DOCK3: variants seen among roughly 807,000 people sequenced by gnomAD.
DOCK3 encodes dedicator of cytokinesis protein 3.
Under a neutral mutation model 265.6 loss-of-function variants are expected in DOCK3, and 60 were observed. That is an observed-to-expected ratio of 0.23 (90% CI 0.18 to 0.28). DOCK3 has a LOEUF of 0.28. Ranked by LOEUF, DOCK3 falls within the 10% of genes least tolerant of loss-of-function variation. The probability of loss-of-function intolerance (pLI) is 1.00; values close to 1 mark genes in which losing one functional copy is unlikely to be tolerated. For missense variants in DOCK3, 1,981 were observed against 2,594.3 expected (o/e 0.76, Z 5.14); for synonymous variants, 881 against 938.0 (o/e 0.94, Z 1.11).
At chr3:51,360,715 T>G (rs2086671329) in intron 47 of DOCK3, 83 bp downstream of exon 47, 1 of 1,565,874 alleles carries the variant, frequency 6.4e-7, no homozygotes, top group Non-Finnish European at 8.7e-7. Context: ...TCCTCATGTA[T>G]ACTCATATTC....
intron 9 of DOCK3, among the ~76,000 whole-genome samples, chr3:51,094,865 T>TA (rs1233823858): frequency 6.6e-6 from 1 of 151,890 alleles, no homozygotes; most frequent in African/African-American, 2.4e-5. Context: ...ATTGGGTGCA[T>TA]ATATATTTAG....
chr3:51,004,008 C>G (rs2078574132), intron 5 of DOCK3, among the ~76,000 whole-genome samples: 1 of 152,146 alleles, frequency 6.6e-6, no homozygotes, highest in Non-Finnish European at 1.5e-5. Context: ...TCTGAAATGG[C>G]CTCCAATTAT....
chr3:50,950,476 A>C (rs2076560351), intron 5 of DOCK3, among the ~76,000 whole-genome samples: 1 of 152,164 alleles, frequency 6.6e-6, no homozygotes, highest in Non-Finnish European at 1.5e-5. Context: ...TTTAGATTGA[A>C]GTTTGTTAGG....
At chr3:51,069,923 C>A (rs1158463172) in intron 6 of DOCK3, among the ~76,000 whole-genome samples, 1 of 152,194 alleles carries the variant, frequency 6.6e-6, no homozygotes, top group Non-Finnish European at 1.5e-5. Context: ...CTGAAATTAG[C>A]AGAAGTTTTC....
chr3:50,866,306 G>C (rs1390210685), intron 3 of DOCK3, among the ~76,000 whole-genome samples: 1 of 152,016 alleles, frequency 6.6e-6, no homozygotes, highest in Non-Finnish European at 1.5e-5. Context: ...CCAACATGGT[G>C]AAATCCCGTC....
At chr3:51,211,301 A>G (rs1463391434) in intron 13 of DOCK3, among the ~76,000 whole-genome samples, 9 of 152,144 alleles carry the variant, frequency 5.9e-5, no homozygotes, top group Non-Finnish European at 1.2e-4. Flanking sequence ...TTCTTGTGTC[A>G]GGTAATCAGT....
rs1056410360 is a variant in DOCK3, at chr3:51,292,115, A to T, written c.2922+11911A>T. On this transcript the variant is annotated intron_variant, in intron 27 of 52. Transcript: ENST00000266037. ...TTCAAAACAATAAATATCATATATG[A>T]TAAGCCCATAGTTAACTTCACACTC... is the stretch of plus-strand genomic sequence containing the variant. Among the ~76,000 whole-genome samples the T allele has an allele frequency of 6.6e-5, 10 of 152,344 alleles. 1 individual carries two copies. The highest frequency in any genetic ancestry group is 6.5e-4 in the Admixed American group (10 of 15,300).
At chr3:50,734,641 C>T (rs1320275878) in intron 1 of DOCK3, among the ~76,000 whole-genome samples, 8 of 128,458 alleles carry the variant, frequency 6.2e-5, no homozygotes, top group Admixed American at 1.8e-4. Flanking sequence ...CTCACTCTGT[C>T]GCCCAGGCTG....
intron 5 of DOCK3, among the ~76,000 whole-genome samples, chr3:51,021,167 T>C (rs564947580): frequency 1.8e-4 from 28 of 151,776 alleles, no homozygotes; most frequent in African/African-American, 6.1e-4. Flanking sequence ...GTAGTTCTCC[T>C]TGAAGAGGTC....
chr3:51,171,000 G>A (rs185179011), intron 12 of DOCK3, among the ~76,000 whole-genome samples: 8 of 149,364 alleles, frequency 5.4e-5, no homozygotes, highest in African/African-American at 1.7e-4. Context: ...GAAACCAACT[G>A]TTAACGATGT....
chr3:51,174,596 A>G (rs1346990805), intron 12 of DOCK3, among the ~76,000 whole-genome samples: 2 of 152,002 alleles, frequency 1.3e-5, no homozygotes, highest in African/African-American at 2.4e-5. Flanking sequence ...GATTATTTTG[A>G]ACTCTTCATT....
At chr3:50,738,783 T>A (rs1428724914) in intron 1 of DOCK3, among the ~76,000 whole-genome samples, 1 of 152,230 alleles carries the variant, frequency 6.6e-6, no homozygotes, top group Non-Finnish European at 1.5e-5. Context: ...GTCACTTTAC[T>A]TTATTACTTA....
intron 1 of DOCK3, among the ~76,000 whole-genome samples, chr3:50,736,114 T>C (rs913419211): frequency 8.5e-5 from 13 of 152,156 alleles, no homozygotes; most frequent in African/African-American, 3.1e-4. Context: ...AGTGTTCCCA[T>C]TGTTCAATTC....
chr3:51,148,841 C>T (rs2085428614), intron 10 of DOCK3, among the ~76,000 whole-genome samples: 1 of 152,092 alleles, frequency 6.6e-6, no homozygotes, highest in Non-Finnish European at 1.5e-5. Context: ...TTTTTGGTTC[C>T]ATATGAACTT....
At chr3:51,185,447 A>C (rs2087542171) in intron 12 of DOCK3, among the ~76,000 whole-genome samples, 1 of 152,346 alleles carries the variant, frequency 6.6e-6, no homozygotes, top group South Asian at 2.1e-4. Flanking sequence ...TAGGCATTTA[A>C]TAAGTAGCCT....
chr3:50,859,173 C>T (rs1211888924), intron 3 of DOCK3, among the ~76,000 whole-genome samples: 1 of 146,402 alleles, frequency 6.8e-6, no homozygotes, highest in African/African-American at 2.5e-5. Flanking sequence ...CCGGCTAGTT[C>T]AGCCTGGTCA....
chr3:51,315,169 A>G, intron 32 of DOCK3, 41 bp downstream of exon 32: 1 of 1,544,658 alleles, frequency 6.5e-7, no homozygotes, highest in Non-Finnish European at 8.8e-7. Context: ...TCTGGAATGG[A>G]TCCCTTCTGC....
At chr3:51,208,658 A>G (rs2089347517) in intron 12 of DOCK3, 116 bp from the exon 13 acceptor site, 2 of 799,278 alleles carry the variant, frequency 2.5e-6, no homozygotes, top group Non-Finnish European at 2.0e-6. Flanking sequence ...ACAGAACATC[A>G]TTTCTTTAGG....
chr3:50,754,391 G>C (rs1473457855), intron 1 of DOCK3, among the ~76,000 whole-genome samples: 1 of 152,012 alleles, frequency 6.6e-6, no homozygotes, highest in Non-Finnish European at 1.5e-5. Flanking sequence ...GCATCATGGA[G>C]TATTCTCATG....
Sources: allele counts gnomAD v4.1 joint callset (sites outside exome capture counted in the v4.1 genomes callset), GRCh38; gene constraint gnomAD v4.1.1; transcripts MANE v1.5; gene names NCBI Gene and HGNC (gene_info 2026-07-23, HGNC 2026-07-21).